DPP10: variants seen among roughly 807,000 people sequenced by gnomAD.
The protein encoded by DPP10 is dipeptidyl peptidase like 10.
DPP10 carries 33 observed loss-of-function variants against 120.9 expected under a neutral mutation model. The ratio of observed to expected loss-of-function variants is 0.27; its 90% CI spans 0.21 to 0.37. The LOEUF (loss-of-function observed/expected upper bound fraction) is 0.37. DPP10 is among the 10% of genes least tolerant of loss of function. The pLI, the probability that DPP10 is intolerant of heterozygous loss-of-function variation, is 1.00. For synonymous variants in DPP10, 337 were observed against 326.1 expected, an observed-to-expected ratio of 1.03 and a Z score of -0.36; for missense variants, 816 against 942.8, an observed-to-expected ratio of 0.87 and a Z score of 1.76.
At chr2:114,670,325 A>G (rs895872988) in intron 1 of DPP10, among the ~76,000 whole-genome samples, 1 of 152,226 alleles carries the variant, frequency 6.6e-6, no homozygotes, top group African/African-American at 2.4e-5. Flanking sequence ...TGTGGTACAT[A>G]TACACCACGG....
At chr2:115,163,208 G>T (rs960408553) in intron 1 of DPP10, among the ~76,000 whole-genome samples, 12 of 152,310 alleles carry the variant, frequency 7.9e-5, no homozygotes, top group African/African-American at 2.4e-4. Flanking sequence ...GCACTGAAGA[G>T]CCTCTTAAGG....
At chr2:115,259,458 T>C (rs997304146) in intron 1 of DPP10, among the ~76,000 whole-genome samples, 42 of 147,448 alleles carry the variant, frequency 2.8e-4, no homozygotes, top group African/African-American at 9.8e-4. Context: ...CACTCCAGCA[T>C]GGGCAACAAG....
chr2:114,986,488 A>G (rs559218576), intron 1 of DPP10, among the ~76,000 whole-genome samples: 3 of 152,290 alleles, frequency 2.0e-5, no homozygotes, highest in African/African-American at 7.2e-5. Context: ...CCCCTTCTGG[A>G]TATAACTATG....
chr2:115,335,694 T>C (rs770600557), intron 2 of DPP10, among the ~76,000 whole-genome samples: 1 of 152,082 alleles, frequency 6.6e-6, no homozygotes, highest in Non-Finnish European at 1.5e-5. Context: ...CATTCTGTAG[T>C]TTCATCTAGC....
intron 1 of DPP10, among the ~76,000 whole-genome samples, chr2:114,564,043 G>A (rs772772793): frequency 9.2e-5 from 14 of 152,122 alleles, no homozygotes; most frequent in African/African-American, 2.4e-4. Context: ...GTCCTCCTTC[G>A]CCTTCCAGCA....
At chr2:114,620,036 G>A (rs781487510) in intron 1 of DPP10, among the ~76,000 whole-genome samples, 2 of 151,694 alleles carry the variant, frequency 1.3e-5, no homozygotes, top group African/African-American at 4.8e-5. Context: ...TAAAAATCTC[G>A]GTTTAAGTTG....
chr2:114,827,695 A>C (rs1175997570), intron 1 of DPP10, among the ~76,000 whole-genome samples: 2 of 152,136 alleles, frequency 1.3e-5, no homozygotes, highest in Admixed American at 6.6e-5. Flanking sequence ...AGCATATAAA[A>C]ATGTTTTTCT....
At chr2:114,504,620 G>T (rs1184363886) in intron 1 of DPP10, among the ~76,000 whole-genome samples, 1 of 151,998 alleles carries the variant, frequency 6.6e-6, no homozygotes, top group African/African-American at 2.4e-5. Flanking sequence ...AAAGTAGCTT[G>T]CATTCATTGA....
At chr2:115,318,634 A>G (rs1451973809) in intron 2 of DPP10, among the ~76,000 whole-genome samples, 2 of 152,132 alleles carry the variant, frequency 1.3e-5, no homozygotes, top group Admixed American at 6.6e-5. Context: ...AAAGTTTTTC[A>G]TACTTGGTTA....
chr2:114,763,448 T>C (rs1349399774), intron 1 of DPP10, among the ~76,000 whole-genome samples: 1 of 152,210 alleles, frequency 6.6e-6, no homozygotes, highest in African/African-American at 2.4e-5. Flanking sequence ...ACAAAATGAA[T>C]TCAAAAGTGA....
At chr2:115,007,263 G>A (rs998242221) in intron 1 of DPP10, among the ~76,000 whole-genome samples, 5 of 152,262 alleles carry the variant, frequency 3.3e-5, no homozygotes, top group South Asian at 2.1e-4. Context: ...TGCAAGCCTG[G>A]TTCAATATAC....
intron 1 of DPP10, among the ~76,000 whole-genome samples, chr2:114,596,705 AT>A (rs199718938): frequency 2.7e-4 from 41 of 151,174 alleles, no homozygotes; most frequent in Admixed American, 1.1e-3. Context: ...TTGTTACTCC[AT>A]TTTTTTTTCC....
intron 1 of DPP10, among the ~76,000 whole-genome samples, chr2:115,291,652 G>A (rs1287644618): frequency 6.6e-6 from 1 of 151,910 alleles, no homozygotes; most frequent in African/African-American, 2.4e-5. Context: ...TGATGCCTAA[G>A]CCCATTTATC....
intron 3 of DPP10, among the ~76,000 whole-genome samples, chr2:115,387,514 T>C (rs1035736627): frequency 1.3e-5 from 2 of 152,170 alleles, no homozygotes; most frequent in Non-Finnish European, 2.9e-5. Flanking sequence ...TTTAGTTTTT[T>C]AAAATTCCTA....
chr2:115,040,516 C>G (rs769969070), intron 1 of DPP10, among the ~76,000 whole-genome samples: 4 of 151,870 alleles, frequency 2.6e-5, no homozygotes, highest in Admixed American at 2.0e-4. Flanking sequence ...CCACAGCTGA[C>G]CATGTCTGCA....
At chr2:115,227,924 CTTTT>C (rs70941034) in intron 1 of DPP10, among the ~76,000 whole-genome samples, 5 of 120,460 alleles carry the variant, frequency 4.2e-5, no homozygotes, top group Non-Finnish European at 3.6e-5. Context: ...CTTTTTTTTC[CTTTT>C]TTTTTTTTTT....
At chr2:115,133,637 T>C (rs1224640820) in intron 1 of DPP10, among the ~76,000 whole-genome samples, 1 of 152,158 alleles carries the variant, frequency 6.6e-6, no homozygotes, top group East Asian at 1.9e-4. Flanking sequence ...AGTGAGCTGC[T>C]CATGGAAACG....
At chr2:115,416,130 T>C (rs2069405712) in intron 3 of DPP10, among the ~76,000 whole-genome samples, 1 of 152,062 alleles carries the variant, frequency 6.6e-6, no homozygotes, top group African/African-American at 2.4e-5. Flanking sequence ...TTTTGCTGTT[T>C]GCAATTAAGA....
chr2:115,202,231 C>T (rs1208638647), intron 1 of DPP10, among the ~76,000 whole-genome samples: 2 of 151,986 alleles, frequency 1.3e-5, no homozygotes, highest in Non-Finnish European at 2.9e-5. Context: ...GCCTAGCCTA[C>T]ATTATATAAT....
Sources: allele counts gnomAD v4.1 joint callset (sites outside exome capture counted in the v4.1 genomes callset), GRCh38; gene constraint gnomAD v4.1.1; transcripts MANE v1.5; gene names NCBI Gene and HGNC (gene_info 2026-07-23, HGNC 2026-07-21).